The following SLC22A17 variants were observed in gnomAD, a reference collection of about 807,000 sequenced individuals.
The protein encoded by SLC22A17 is solute carrier family 22 member 17, also known as 24p3 receptor.
SLC22A17 carries 38 observed loss-of-function variants against 53.6 expected under a neutral mutation model. The observed-to-expected ratio is 0.71, with a 90% confidence interval of 0.55 to 0.93. SLC22A17 has a LOEUF of 0.93. Ranked by LOEUF, SLC22A17 falls within the 40% of genes least tolerant of loss-of-function variation. The pLI is 0.00. For synonymous variants in SLC22A17, 379 were observed against 353.0 expected, an observed-to-expected ratio of 1.07 and a Z score of -0.82; for missense variants, 704 against 791.0, an observed-to-expected ratio of 0.89 and a Z score of 1.32.
chr14:23,351,637 G>C (rs1889625736), intron 3 of SLC22A17, 115 bp downstream of exon 3: 1 of 771,964 alleles, frequency 1.3e-6, no homozygotes, highest in Non-Finnish European at 2.1e-6. Flanking sequence ...GAAGTCCAGA[G>C]AAGACTGCAG....
chr14:23,348,373 G>A lies in SLC22A17; in HGVS notation c.1026-67C>T, dbSNP rs2138513756. Reference sequence around the variant, plus strand: ...CTCCTGATCTAGGGGTGGGAAATGTGCACCTCTGAGGGACTGGGGCTGGGG... The same window carrying A: ...CTCCTGATCTAGGGGTGGGAAATGTACACCTCTGAGGGACTGGGGCTGGGG... On this transcript the variant is annotated intron_variant, in intron 5 of 9. Transcript: ENST00000397267. The surrounding 1 kb of genome is among the most constrained non-coding windows in gnomAD (Gnocchi z 4.5). 1 of 1,597,074 alleles carries A rather than the reference G, an allele frequency of 6.3e-7. No homozygotes were observed. Among genetic ancestry groups the A allele is most frequent in the African/African-American group, 1.3e-5 (1 of 74,812 alleles).
At chr14:23,351,678 A>T (rs554220656) in intron 3 of SLC22A17, 74 bp downstream of exon 3, 1 of 1,338,814 alleles carries the variant, frequency 7.5e-7, no homozygotes, top group East Asian at 2.3e-5. Context: ...ACCTCCTGTA[A>T]ACGCCCGCTG....
Position 23,346,603 on chromosome 14 carries a change from C to T in SLC22A17, c.*45G>A, listed in dbSNP as rs767453421. The stretch of plus-strand genomic sequence containing the variant: ...CTCAGTCTTCCCGATCTTCTTGCCA[C>T]CTTTCTGTGTGGGCCAGCCTCCCGC... On this transcript the variant is annotated 3_prime_UTR_variant, in exon 10 of 10. Transcript: ENST00000397267. 1.7e-5 allele frequency: 24 copies of T among 1,437,406 alleles called. No individual in the cohort carries two copies. The East Asian group carries it at 5.5e-4, about 33-fold the overall frequency. The allele number at this position is 1,437,406 out of a possible 1,614,324, so 89.0% of individuals were successfully genotyped here.
intron 3 of SLC22A17, 78 bp from the exon 4 acceptor site, chr14:23,349,504 C>G: frequency 6.8e-7 from 1 of 1,480,358 alleles, no homozygotes; most frequent in Non-Finnish European, 9.1e-7. Context: ...CAGCTGCACA[C>G]TTCAGAGCTA....
In SLC22A17 at chr14:23,352,516, G is replaced by C. The variant is rs1483732611; in HGVS notation, c.97-65C>G. The C allele has an allele frequency of 2.4e-6, 1 of 418,554 alleles. No homozygotes were observed. The highest frequency in any genetic ancestry group is 4.2e-6 in the Non-Finnish European group (1 of 239,382). 25.9% of individuals were successfully genotyped at this position (418,554 alleles called of 1,614,324 possible). On this transcript the variant is annotated intron_variant, in intron 1 of 9. Transcript: ENST00000397267. The surrounding 1 kb of genome is among the most constrained non-coding windows in gnomAD (Gnocchi z 7.2). ...GAGGAAACCGCAGAGCAAGGGCAGG[G>C]GGCAGGTGGGAGGGAGGGCTAGGAA...
At chr14:23,346,770 T>C in exon 10 of SLC22A17, 1 of 1,543,920 alleles carries the variant, frequency 6.5e-7, no homozygotes, top group Non-Finnish European at 8.7e-7. Context: ...GGCAGGAGCT[T>C]GCGCTTGGTC....
rs751715747 is a variant in SLC22A17 at position 23,347,925 on chromosome 14, T to G, written c.1243A>C (p.Ile415Leu). 1 of 1,614,110 alleles carries G rather than the reference T, an allele frequency of 6.2e-7. No homozygotes were observed. Among genetic ancestry groups the G allele is most frequent in the Non-Finnish European group, 8.5e-7 (1 of 1,180,004 alleles). The change falls in exon 7 of 10, where the codon ATC (isoleucine) becomes CTC (leucine). Residue 415 changes from isoleucine (I) to leucine (L), a missense_variant. Ile to Leu is a conservative substitution (Grantham distance 5). Around this residue, in one of 4 missense-constraint regions of SLC22A17, gnomAD observed 435 missense variants for 529.0 expected, o/e 0.82. Transcript: ENST00000397267. This position sits in a 1 kb window ranked among gnomAD's most constrained non-coding sequence, Gnocchi z 5.1. ...CCCAGGATAAGCAGATTTTTCCAGA[T>G]GTTGCGGTAGTTGAGGAGGGAAGCA...
In SLC22A17 at chr14:23,348,066, G is replaced by A; in HGVS notation, c.1172-70C>T. ...CCAGGATCCTCCCACATGGGTGGTG[G>A]GGACCCTGGGAGAAGGTGGCACAGC... is the stretch of plus-strand genomic sequence containing the variant. On this transcript the variant is annotated intron_variant, in intron 6 of 9. Transcript: ENST00000397267. This position sits in a 1 kb window ranked among gnomAD's most constrained non-coding sequence, Gnocchi z 4.5. 2 of 1,608,750 alleles carry A rather than the reference G, an allele frequency of 1.2e-6. No homozygotes were observed. Among genetic ancestry groups the A allele is most frequent in the Non-Finnish European group, 1.7e-6 (2 of 1,175,864 alleles).
exon 4 of SLC22A17, chr14:23,349,420 G>T (rs1334225153): frequency 6.2e-7 from 1 of 1,611,520 alleles, no homozygotes; most frequent in East Asian, 2.2e-5. Context: ...TCCCGCGACG[G>T]CCAAATCTAG....
exon 3 of SLC22A17, chr14:23,351,779 T>C: frequency 6.2e-7 from 1 of 1,613,672 alleles, no homozygotes; most frequent in Non-Finnish European, 8.5e-7. Flanking sequence ...CAGGAACAGG[T>C]AGCCGGAGGC....
At position 23,348,988 on chromosome 14, in the gene SLC22A17, C is replaced by T; in HGVS notation, c.859+284G>A. The T allele has an allele frequency of 3.4e-6, 2 of 591,962 alleles. No individual in the cohort carries two copies. The highest frequency in any genetic ancestry group is 2.0e-5 in the South Asian group (1 of 49,154). 36.7% of individuals were successfully genotyped at this position (591,962 alleles called of 1,614,324 possible). A position where few individuals can be genotyped will look rare whatever the true frequency, so the allele number is the denominator to read the frequency against. On this transcript the variant is annotated intron_variant, in intron 4 of 9. Coordinates refer to ENST00000397267, the Ensembl canonical transcript of SLC22A17. The surrounding 1 kb of genome is among the most constrained non-coding windows in gnomAD (Gnocchi z 4.5). ...ACATCAACCCTTGTCCAAGGTCACACAGCTAGGGACAATCCTTGTCCCTGG... is the reference window on the plus strand; with the variant it reads ...ACATCAACCCTTGTCCAAGGTCACATAGCTAGGGACAATCCTTGTCCCTGG...
rs1246679345 is a variant in SLC22A17 at position 23,348,498 on chromosome 14, A to G, written c.1025+8T>C. ...ATTGCCAGACGACAGGTGAAGGGTA[A>G]TACTGACCCATAAAACAGGAAGAGG... is the stretch of plus-strand genomic sequence containing the variant. On this transcript the variant is annotated splice_region_variant and intron_variant, in intron 5 of 9. Transcript: ENST00000397267. The surrounding 1 kb of genome is among the most constrained non-coding windows in gnomAD (Gnocchi z 4.5). 17 of 1,613,042 alleles carry G rather than the reference A, an allele frequency of 1.1e-5. No individual in the cohort carries two copies. The highest frequency in any genetic ancestry group is 1.3e-5 in the Non-Finnish European group (15 of 1,179,444).
chr14:23,350,926 A>G (rs1889585640), intron 3 of SLC22A17: 1 of 152,258 alleles, frequency 6.6e-6, no homozygotes, highest in Non-Finnish European at 1.5e-5. Context: ...TTTGATCCAC[A>G]GAAGTTGAGT....
chr14:23,352,492 A>G lies in SLC22A17; in HGVS notation c.97-41T>C, dbSNP rs1177678305. 1 of 427,588 alleles carries G rather than the reference A, an allele frequency of 2.3e-6. No individual in the cohort carries two copies. Among genetic ancestry groups the G allele is most frequent in the Non-Finnish European group, 4.1e-6 (1 of 245,136 alleles). 26.5% of individuals were successfully genotyped at this position (427,588 alleles called of 1,614,324 possible). On this transcript the variant is annotated intron_variant, in intron 1 of 9. Transcript: ENST00000397267. This position sits in a 1 kb window ranked among gnomAD's most constrained non-coding sequence, Gnocchi z 7.2. ...GGGTGGCAGGAGAAGGGTGAAGCGGAGGAAACCGCAGAGCAAGGGCAGGGG... is the reference window on the plus strand; with the variant it reads ...GGGTGGCAGGAGAAGGGTGAAGCGGGGGAAACCGCAGAGCAAGGGCAGGGG...
chr14:23,347,892 T>C lies in SLC22A17; in HGVS notation c.1276A>G (p.Asn426Asp), dbSNP rs1190346113. ...CTCAGCCCAGACACCCAGGCTCACT[T>C]GGTGAAGCCCAGGATAAGCAGATTT... The change falls in exon 7 of 10, where the codon AAC becomes GAC. Residue 426 changes from asparagine to aspartate, a missense_variant and splice_region_variant. This residue lies in a region of SLC22A17 where 435 missense variants were observed against 529.0 expected (regional missense o/e 0.82). Transcript: ENST00000397267. This position sits in a 1 kb window ranked among gnomAD's most constrained non-coding sequence, Gnocchi z 5.1. 1 of 1,614,068 alleles carries C rather than the reference T, an allele frequency of 6.2e-7. No individual in the cohort carries two copies. The highest frequency in any genetic ancestry group is 8.5e-7 in the Non-Finnish European group (1 of 1,179,942).
chr14:23,347,279 C>T lies in SLC22A17; in HGVS notation c.1550-67G>A. 6.6e-7 allele frequency: 1 copy of T among 1,505,714 alleles called. No homozygotes were observed. The highest frequency in any genetic ancestry group is 9.0e-7 in the Non-Finnish European group (1 of 1,106,066). The allele number at this position is 1,505,714 out of a possible 1,614,324, so 93.3% of individuals were successfully genotyped here. ...TCAAGGCTGGCCTAGTCCCGGGTGT[C>T]ATCCCCTTGGCTCTCTGTTCCCATG... On this transcript the variant is annotated intron_variant, in intron 8 of 9. Coordinates refer to ENST00000397267, the Ensembl canonical transcript of SLC22A17. The surrounding 1 kb of genome is among the most constrained non-coding windows in gnomAD (Gnocchi z 5.1).
At chr14:23,349,165 A>T in intron 4 of SLC22A17, 107 bp downstream of exon 4, 5 of 1,440,976 alleles carry the variant, frequency 3.5e-6, no homozygotes, top group Non-Finnish European at 4.9e-6. Flanking sequence ...GATAGCTGAG[A>T]TTCTAGGCAG....
Position 23,347,378 on chromosome 14 carries a change from G to A in SLC22A17, c.1549+82C>T. 1 of 1,546,048 alleles carries A rather than the reference G, an allele frequency of 6.5e-7. No individual in the cohort carries two copies. The highest frequency in any genetic ancestry group is 8.7e-7 in the Non-Finnish European group (1 of 1,143,080). On this transcript the variant is annotated intron_variant, in intron 8 of 9. Transcript: ENST00000397267. The surrounding 1 kb of genome is among the most constrained non-coding windows in gnomAD (Gnocchi z 5.1). ...GATGGGGCTGTGGGGCCAGGTGGAG[G>A]CTCGTGGAAGAGCTGGGCAGGGTCT...
chr14:23,347,161 G>T lies in SLC22A17; in HGVS notation c.1601C>A (p.Ser534Tyr). The change falls in exon 9 of 10, where the codon TCC (serine) becomes TAC (tyrosine). Residue 534 changes from serine to tyrosine, a missense_variant. This residue lies in a region of SLC22A17 where 196 missense variants were observed against 171.5 expected (regional missense o/e 1.14). Transcript: ENST00000397267. This position sits in a 1 kb window ranked among gnomAD's most constrained non-coding sequence, Gnocchi z 5.1. ...GGTGCTGAGGATGGCGGCAGCTTGGGAGGAGAAGAGCCCAAGGACAGAGAA... is the reference window on the plus strand; with the variant it reads ...GGTGCTGAGGATGGCGGCAGCTTGGTAGGAGAAGAGCCCAAGGACAGAGAA... 1 of 1,613,980 alleles carries T rather than the reference G, an allele frequency of 6.2e-7. No individual in the cohort carries two copies. Among genetic ancestry groups the T allele is most frequent in the Non-Finnish European group, 8.5e-7 (1 of 1,179,966 alleles).
Sources: allele counts gnomAD v4.1 joint callset, GRCh38; gene constraint gnomAD v4.1.1; regional missense constraint gnomAD v4.1.1; non-coding constraint Gnocchi (gnomAD v3.1); transcripts MANE v1.5; gene names NCBI Gene and HGNC (gene_info 2026-07-23, HGNC 2026-07-21).